ATP2C2: variants seen among roughly 807,000 people sequenced by gnomAD.
ATP2C2 encodes the protein calcium-transporting ATPase type 2C member 2.
ATP2C2 carries 171 observed loss-of-function variants against 110.8 expected under a neutral mutation model. The observed-to-expected ratio is 1.54, with a 90% CI of 1.36 to 1.75. The LOEUF is 1.75. ATP2C2 is among the 40% of genes most tolerant of loss of function. The probability of loss-of-function intolerance (pLI) is 0.00; values close to 1 mark genes in which losing one functional copy is unlikely to be tolerated. For synonymous variants in ATP2C2, 804 were observed against 508.4 expected (o/e 1.58, Z -7.82); for missense variants, 1,963 against 1,235.0 (o/e 1.59, Z -8.84).
chr16:84,439,659 A>G (rs1208619209), intron 13 of ATP2C2, 135 bp downstream of exon 13: 2 of 820,468 alleles, frequency 2.4e-6, no homozygotes, highest in African/African-American at 3.4e-5. Flanking sequence ...TCTCCTTGCT[A>G]ACATGACTGA....
rs1909298319 is a variant in ATP2C2, at chr16:84,441,953, C to T, written c.1312-557C>T. Among the ~76,000 whole-genome samples the T allele has an allele frequency of 6.6e-5, 5 of 75,730 alleles. No homozygotes were observed. The South Asian group carries it at 2.5e-3, about 39-fold the overall frequency. The allele number at this position is 75,730 out of a possible 152,430, so 49.7% of individuals were successfully genotyped here. A position where few individuals can be genotyped will look rare whatever the true frequency, so the allele number is the denominator to read the frequency against. Reference sequence around the variant, plus strand: ...AATGAATGAATGAAACAAAAATATGCAAAACTAGTAATAATAAAAAAGAAA... The same window carrying T: ...AATGAATGAATGAAACAAAAATATGTAAAACTAGTAATAATAAAAAAGAAA... On this transcript the variant is annotated intron_variant, in intron 14 of 26. Coordinates refer to ENST00000262429, the MANE Select transcript of ATP2C2 (RefSeq NM_014861.4).
At chr16:84,439,313 A>C (rs763161332) in intron 12 of ATP2C2, 23 bp downstream of exon 12, 2 of 1,613,536 alleles carry the variant, frequency 1.2e-6, no homozygotes, top group East Asian at 4.5e-5. Flanking sequence ...AGCTGGTGGA[A>C]TCCTTACACG....
intron 11 of ATP2C2, among the ~76,000 whole-genome samples, chr16:84,430,235 G>C (rs929185845): frequency 6.6e-6 from 1 of 152,180 alleles, no homozygotes; most frequent in African/African-American, 2.4e-5. Context: ...GGGGTGGATG[G>C]ACAACAAGCT....
chr16:84,412,422 G>GTA (rs768189201), intron 6 of ATP2C2, among the ~76,000 whole-genome samples: 11 of 150,806 alleles, frequency 7.3e-5, no homozygotes, highest in Non-Finnish European at 1.6e-4. Context: ...GTCTGTGTAT[G>GTA]TGTGTGCGTG....
intron 11 of ATP2C2, chr16:84,426,130 A>G (rs1208693374): frequency 7.5e-6 from 2 of 266,760 alleles, no homozygotes; most frequent in Non-Finnish European, 1.5e-5. Context: ...CAGGCCGTAC[A>G]GGAAGCATGG....
rs1911664502 is a variant in ATP2C2, at chr16:84,463,959, C to CA, written c.*228dup. On this transcript the variant is annotated 3_prime_UTR_variant, in exon 27 of 27. Coordinates refer to ENST00000262429, the MANE Select transcript of ATP2C2 (RefSeq NM_014861.4). ...TGGGACAGACAGGGAGGGGCCTGTA[C>CA]AGAAACACCACACTGTTTATTAAAT... The CA allele has an allele frequency of 1.9e-6, 1 of 514,140 alleles. No individual in the cohort carries two copies. Among genetic ancestry groups the CA allele is most frequent in the East Asian group, 3.1e-5 (1 of 31,930 alleles). The allele number at this position is 514,140 out of a possible 1,614,324, so 31.8% of individuals were successfully genotyped here. A position where few individuals can be genotyped will look rare whatever the true frequency, so the allele number is the denominator to read the frequency against.
At chr16:84,415,109 C>G (rs538656082) in intron 6 of ATP2C2, among the ~76,000 whole-genome samples, 1 of 152,082 alleles carries the variant, frequency 6.6e-6, no homozygotes, top group African/African-American at 2.4e-5. Flanking sequence ...TCCCTGACTT[C>G]CTGAGACAGA....
chr16:84,461,125 G>T (rs750907952), intron 24 of ATP2C2: 15 of 345,106 alleles, frequency 4.3e-5, no homozygotes, highest in Non-Finnish European at 7.5e-5. Context: ...TTTGAAATCT[G>T]CTAAATATCC....
chr16:84,412,154 C>T (rs1214921772), intron 6 of ATP2C2, among the ~76,000 whole-genome samples: 1 of 152,172 alleles, frequency 6.6e-6, no homozygotes, highest in Admixed American at 6.5e-5. Flanking sequence ...GCTGGGAATA[C>T]AGGTGCATGC....
At chr16:84,436,482 T>G (rs1228522751) in intron 11 of ATP2C2, among the ~76,000 whole-genome samples, 1 of 152,056 alleles carries the variant, frequency 6.6e-6, no homozygotes, top group African/African-American at 2.4e-5. Context: ...TGGCTGTGGG[T>G]GGGTTGCAGG....
chr16:84,394,744 C>T (rs968015013), intron 1 of ATP2C2, among the ~76,000 whole-genome samples: 1 of 152,108 alleles, frequency 6.6e-6, no homozygotes, highest in Non-Finnish European at 1.5e-5. Flanking sequence ...CCAGCCTCTG[C>T]CTCCATCATC....
chr16:84,452,316 T>C (rs1426043228), intron 18 of ATP2C2, among the ~76,000 whole-genome samples: 1 of 152,170 alleles, frequency 6.6e-6, no homozygotes, highest in Non-Finnish European at 1.5e-5. Context: ...TTCTCATGGA[T>C]ACTGAGGACC....
At chr16:84,387,105 T>G (rs1019589687) in intron 1 of ATP2C2, among the ~76,000 whole-genome samples, 1 of 150,668 alleles carries the variant, frequency 6.6e-6, no homozygotes, top group African/African-American at 2.4e-5. Flanking sequence ...TGAACAAGCA[T>G]GCCGCGCTCT....
chr16:84,397,188 C>T (rs543509605), intron 1 of ATP2C2, among the ~76,000 whole-genome samples: 2 of 151,866 alleles, frequency 1.3e-5, no homozygotes, highest in Admixed American at 6.5e-5. Flanking sequence ...CAAAGCCTCC[C>T]GAAGCCTCCA....
At chr16:84,418,232 C>T (rs192345662) in intron 7 of ATP2C2, among the ~76,000 whole-genome samples, 32 of 152,276 alleles carry the variant, frequency 2.1e-4, no homozygotes, top group African/African-American at 7.0e-4. Context: ...GAGGTGAGCC[C>T]GCGATTGTGC....
chr16:84,435,057 G>T (rs1007432892), intron 11 of ATP2C2, among the ~76,000 whole-genome samples: 1 of 152,178 alleles, frequency 6.6e-6, no homozygotes, highest in Non-Finnish European at 1.5e-5. Context: ...TATATAACTT[G>T]TCCATGCCTG....
In ATP2C2 at chr16:84,446,299, C is replaced by T. The variant is rs1326833521; in HGVS notation, c.1402-30C>T. 3.6e-6 allele frequency: 5 copies of T among 1,389,206 alleles called. No homozygotes were observed. The South Asian group carries it at 5.2e-5, about 14-fold the overall frequency. The allele number at this position is 1,389,206 out of a possible 1,614,324, so 86.1% of individuals were successfully genotyped here. A position where few individuals can be genotyped will look rare whatever the true frequency, so the allele number is the denominator to read the frequency against. On this transcript the variant is annotated intron_variant, in intron 15 of 26. Coordinates refer to ENST00000262429, the MANE Select transcript of ATP2C2 (RefSeq NM_014861.4). Reference sequence around the variant, plus strand: ...GTATAGAGATTGGCTTCGGATGACTCACTAAAAATGTGTCATTTTATTATG... The same window carrying T: ...GTATAGAGATTGGCTTCGGATGACTTACTAAAAATGTGTCATTTTATTATG...
At chr16:84,424,954 C>G (rs1330637138) in intron 10 of ATP2C2, among the ~76,000 whole-genome samples, 1 of 152,140 alleles carries the variant, frequency 6.6e-6, no homozygotes, top group African/African-American at 2.4e-5. Flanking sequence ...TAGAGCTCCC[C>G]TTGCTAATCT....
chr16:84,398,925 A>G (rs1448635942), intron 2 of ATP2C2, among the ~76,000 whole-genome samples: 1 of 152,230 alleles, frequency 6.6e-6, no homozygotes, highest in African/African-American at 2.4e-5. Context: ...AGACACAGAA[A>G]GTAGCACAGT....
Sources: allele counts gnomAD v4.1 joint callset (sites outside exome capture counted in the v4.1 genomes callset), GRCh38; gene constraint gnomAD v4.1.1; transcripts MANE v1.5; gene names NCBI Gene and HGNC (gene_info 2026-07-23, HGNC 2026-07-21).